The following NAV3 variants were observed in gnomAD, a reference collection of about 807,000 sequenced individuals.
The protein encoded by NAV3 is neuron navigator 3.
A neutral mutation model predicts 244.7 loss-of-function variants in NAV3; 87 were observed. The observed-to-expected ratio is 0.36, with a 90% CI of 0.30 to 0.42. The LOEUF is 0.42. Among genes scored for constraint, NAV3 ranks in the 20% least tolerant of loss-of-function variants. The pLI, the probability that NAV3 is intolerant of heterozygous loss-of-function variation, is 1.00. For synonymous variants in NAV3, 1,126 were observed against 1,042.2 expected (o/e 1.08, Z -1.55); for missense variants, 2,663 against 2,893.3 (o/e 0.92, Z 1.83).
At chr12:77,753,428 T>C (rs1868963444) in intron 2 of NAV3, among the ~76,000 whole-genome samples, 1 of 152,154 alleles carries the variant, frequency 6.6e-6, no homozygotes, top group African/African-American at 2.4e-5. Flanking sequence ...GTAGCAACTG[T>C]TGAACTTAGC....
Position 78,177,661 on chromosome 12 carries a change from C to A in NAV3, c.5339C>A (p.Pro1780His). 6.3e-7 allele frequency: 1 copy of A among 1,597,344 alleles called. No homozygotes were observed. The highest frequency in any genetic ancestry group is 8.5e-7 in the Non-Finnish European group (1 of 1,179,226). Residue 1780 changes from proline (P) to histidine (H), a missense_variant, in exon 28 of 40, where the codon CCT becomes CAT. Coordinates refer to ENST00000397909, the MANE Select transcript of NAV3 (RefSeq NM_001024383.2). ...VWPPKKRQNG[P>H]VIYKHRSRIC... is the part of the protein sequence containing the mutation. ...CCACCAAAGAAACGACAAAATGGCC[C>A]TGTGATCTACAAGCATAGATCTCGG...
intron 5 of NAV3, among the ~76,000 whole-genome samples, chr12:77,977,487 C>A (rs1226189916): frequency 7.9e-6 from 1 of 127,148 alleles, no homozygotes; most frequent in Non-Finnish European, 1.8e-5. Flanking sequence ...TTTTGTAAAA[C>A]CTGGATATTA....
At chr12:77,750,292 G>T (rs147464968) in intron 2 of NAV3, among the ~76,000 whole-genome samples, 1 of 152,186 alleles carries the variant, frequency 6.6e-6, no homozygotes, top group Non-Finnish European at 1.5e-5. Flanking sequence ...GGCAGAGGTT[G>T]CAGTGAGCTG....
chr12:78,006,394 T>TA, intron 7 of NAV3, 25 bp from the exon 8 acceptor site: 1 of 1,593,740 alleles, frequency 6.3e-7, no homozygotes, highest in Non-Finnish European at 8.6e-7. Flanking sequence ...GCCTTTTCTT[T>TA]ATTTTTCTTC....
chr12:77,709,913 T>C (rs375581618), intron 2 of NAV3, among the ~76,000 whole-genome samples: 1 of 152,200 alleles, frequency 6.6e-6, no homozygotes, highest in African/African-American at 2.4e-5. Context: ...CACTGAAGAC[T>C]GAGCCAAACC....
intron 2 of NAV3, among the ~76,000 whole-genome samples, chr12:77,652,843 G>C (rs1005258397): frequency 6.6e-6 from 1 of 152,214 alleles, no homozygotes; most frequent in Non-Finnish European, 1.5e-5. Flanking sequence ...GTGTTTGTCA[G>C]TTTACAAATA....
intron 2 of NAV3, among the ~76,000 whole-genome samples, chr12:77,820,702 G>A (rs1480571662): frequency 6.6e-6 from 1 of 152,156 alleles, no homozygotes; most frequent in Non-Finnish European, 1.5e-5. Flanking sequence ...CTACCAGTGT[G>A]TGTGTGACAA....
intron 12 of NAV3, among the ~76,000 whole-genome samples, chr12:78,074,780 G>A (rs529487580): frequency 6.6e-6 from 1 of 152,118 alleles, no homozygotes; most frequent in Non-Finnish European, 1.5e-5. Context: ...TTGGCATTTG[G>A]TATTCTACTA....
intron 2 of NAV3, among the ~76,000 whole-genome samples, chr12:77,607,630 A>C (rs543284832): frequency 6.6e-6 from 1 of 152,014 alleles, no homozygotes; most frequent in East Asian, 1.9e-4. Context: ...TGTGTATAAA[A>C]CTCAAGTTAT....
intron 2 of NAV3, among the ~76,000 whole-genome samples, chr12:77,589,867 A>G (rs1869825585): frequency 1.3e-5 from 2 of 152,218 alleles, no homozygotes; most frequent in Admixed American, 1.3e-4. Context: ...CTGGATTTGG[A>G]CACCATTTCT....
chr12:77,811,530 T>C (rs1301373960), intron 2 of NAV3, among the ~76,000 whole-genome samples: 3 of 152,248 alleles, frequency 2.0e-5, no homozygotes, highest in Admixed American at 2.0e-4. Flanking sequence ...TTTGATTATA[T>C]ACCTAATTTA....
Position 77,651,608 on chromosome 12 carries a change from C to A in NAV3, c.72+79342C>A, listed in dbSNP as rs143901271. Among the ~76,000 whole-genome samples the A allele has an allele frequency of 3.3e-5, 5 of 152,254 alleles. No individual in the cohort carries two copies. In the East Asian group the frequency reaches 9.6e-4, roughly 29 times the overall value. The stretch of plus-strand genomic sequence containing the variant: ...GACCATGTTTGTGAGGCTGCTTCAT[C>A]AGAAAGCCAATGATCTTTCCATATT... On this transcript the variant is annotated intron_variant, in intron 2 of 8. Coordinates refer to the NAV3 transcript ENST00000550042.
In NAV3 at chr12:78,078,375, C is replaced by CTTTTTTTTTT. The variant is rs71088356; in HGVS notation, c.2636+19289_2636+19298dup. Among the ~76,000 whole-genome samples the CTTTTTTTTTT allele has an allele frequency of 4.4e-5, 3 of 67,844 alleles. 1 individual carries two copies. The highest frequency in any genetic ancestry group is 1.2e-4 in the African/African-American group (2 of 16,564). 44.5% of individuals were successfully genotyped at this position (67,844 alleles called of 152,430 possible). A position where few individuals can be genotyped will look rare whatever the true frequency, so the allele number is the denominator to read the frequency against. On this transcript the variant is annotated intron_variant, in intron 12 of 39. Transcript: ENST00000397909. ...AGAGTTGCATTTCACTCTTTCCACT[C>CTTTTTTTTTT]TTTTTTTTTTTTTTTTTTTTTTTTT... is the stretch of plus-strand genomic sequence containing the variant.
intron 2 of NAV3, among the ~76,000 whole-genome samples, chr12:77,602,067 G>A (rs186932455): frequency 5.3e-5 from 8 of 152,084 alleles, no homozygotes; most frequent in Non-Finnish European, 8.8e-5. Context: ...AGCAAACTAT[G>A]GATAATAGGG....
intron 8 of NAV3, among the ~76,000 whole-genome samples, chr12:78,015,898 A>G (rs180756721): frequency 6.6e-6 from 1 of 152,174 alleles, no homozygotes; most frequent in Admixed American, 6.6e-5. Flanking sequence ...TCTCCCCATG[A>G]TCTTTCTATC....
At chr12:78,143,422 G>A (rs1288190298) in intron 20 of NAV3, 1 of 436,626 alleles carries the variant, frequency 2.3e-6, no homozygotes, top group African/African-American at 2.1e-5. Context: ...CTTGAGGTCA[G>A]GAGTTCGAGA....
At chr12:78,034,438 G>A (rs1879510217) in intron 9 of NAV3, among the ~76,000 whole-genome samples, 1 of 152,190 alleles carries the variant, frequency 6.6e-6, no homozygotes, top group African/African-American at 2.4e-5. Context: ...TGTGGCTGGG[G>A]CACAGCGAAC....
intron 12 of NAV3, among the ~76,000 whole-genome samples, chr12:78,070,863 C>G (rs1952725070): frequency 6.7e-6 from 1 of 148,300 alleles, no homozygotes; most frequent in African/African-American, 2.5e-5. Context: ...TCATCCATGT[C>G]CCTACAAAGG....
intron 2 of NAV3, among the ~76,000 whole-genome samples, chr12:77,742,099 T>C (rs1868347449): frequency 6.6e-6 from 1 of 152,138 alleles, no homozygotes; most frequent in Non-Finnish European, 1.5e-5. Flanking sequence ...GTTTCTTCAC[T>C]AGTATACCTA....
Sources: allele counts gnomAD v4.1 joint callset (sites outside exome capture counted in the v4.1 genomes callset), GRCh38; gene constraint gnomAD v4.1.1; transcripts MANE v1.5; gene names NCBI Gene and HGNC (gene_info 2026-07-23, HGNC 2026-07-21).